The following LINGO2 variants were observed in gnomAD, a reference collection of about 807,000 sequenced individuals.
LINGO2 encodes leucine-rich repeat and immunoglobulin-like domain-containing nogo receptor-interacting protein 2.
In LINGO2, 14 loss-of-function variants were observed where a neutral mutation model predicts 30.6. That is an observed-to-expected ratio of 0.46 (90% CI 0.30 to 0.72). The LOEUF (loss-of-function observed/expected upper bound fraction) is 0.72, where lower values mean the gene tolerates loss of function less well. LINGO2 is among the 30% of genes least tolerant of loss of function. LINGO2 has a pLI of 0.07. For synonymous variants in LINGO2, 317 were observed against 288.5 expected (o/e 1.10, Z -1.00); for missense variants, 729 against 751.7 (o/e 0.97, Z 0.35).
chr9:28,030,261 G>C (rs2119442025), intron 4 of LINGO2, among the ~76,000 whole-genome samples: 1 of 152,234 alleles, frequency 6.6e-6, no homozygotes, highest in Middle Eastern at 3.4e-3. Flanking sequence ...TCTTAAGTGA[G>C]GCCATTTCTG....
At chr9:28,698,687 G>C in the LINGO2 span, among the ~76,000 whole-genome samples, 155 of 151,916 alleles carry the variant, frequency 1.0e-3, no homozygotes, top group African/African-American at 3.4e-3. Flanking sequence ...TGAATAGAAA[G>C]TACAGAGAGT....
the LINGO2 span, among the ~76,000 whole-genome samples, chr9:29,176,026 C>T: frequency 4.2e-3 from 633 of 149,862 alleles, 7 homozygotes; most frequent in African/African-American, 0.015. Flanking sequence ...AGGCTGGCAC[C>T]AAGTCCTCGA....
intron 1 of LINGO2, among the ~76,000 whole-genome samples, chr9:28,639,634 G>T (rs1003797534): frequency 2.2e-4 from 33 of 152,050 alleles, no homozygotes; most frequent in African/African-American, 7.0e-4. Context: ...CAGAGACTAG[G>T]ATTGCAACCC....
chr9:28,436,674 G>C (rs1028448434), intron 2 of LINGO2, among the ~76,000 whole-genome samples: 3 of 152,160 alleles, frequency 2.0e-5, no homozygotes, highest in South Asian at 2.1e-4. Context: ...AGCCAGGATG[G>C]TCTCGATCTC....
chr9:29,119,579 T>A, the LINGO2 span, among the ~76,000 whole-genome samples: 2 of 57,870 alleles, frequency 3.5e-5, no homozygotes, highest in Non-Finnish European at 3.7e-5. Flanking sequence ...GTTGTCATCT[T>A]TTTTTTTTTT....
At chr9:28,677,196 C>A in the LINGO2 span, among the ~76,000 whole-genome samples, 1 of 152,048 alleles carries the variant, frequency 6.6e-6, no homozygotes, top group African/African-American at 2.4e-5. Context: ...ACATTTAAAC[C>A]AAGGTGGTTT....
the LINGO2 span, among the ~76,000 whole-genome samples, chr9:28,721,298 C>A: frequency 6.6e-6 from 1 of 152,066 alleles, no homozygotes; most frequent in East Asian, 1.9e-4. Flanking sequence ...ACCCAGCAAT[C>A]CCATTACTGG....
intron 5 of LINGO2, among the ~76,000 whole-genome samples, chr9:27,958,656 A>G (rs1819693613): frequency 6.6e-6 from 1 of 152,144 alleles, no homozygotes; most frequent in Non-Finnish European, 1.5e-5. Flanking sequence ...TTTACAAATT[A>G]AACTTTATCA....
the LINGO2 span, among the ~76,000 whole-genome samples, chr9:28,819,815 G>A: frequency 6.6e-6 from 1 of 152,096 alleles, no homozygotes; most frequent in Admixed American, 6.5e-5. Flanking sequence ...AGTTTCCATA[G>A]CAGCTTCCTG....
At chr9:29,200,450 T>C in the LINGO2 span, among the ~76,000 whole-genome samples, 1 of 152,216 alleles carries the variant, frequency 6.6e-6, no homozygotes, top group East Asian at 1.9e-4. Flanking sequence ...GAAAATCGGA[T>C]ATGCATGTTT....
chr9:27,961,911 G>A (rs1382079211), intron 5 of LINGO2, among the ~76,000 whole-genome samples: 1 of 152,136 alleles, frequency 6.6e-6, no homozygotes, highest in Non-Finnish European at 1.5e-5. Flanking sequence ...TTTGACAACT[G>A]GGTGAGACCT....
intron 1 of LINGO2, among the ~76,000 whole-genome samples, chr9:28,493,803 T>C (rs547172304): frequency 4.9e-4 from 75 of 152,244 alleles, no homozygotes; most frequent in Middle Eastern, 6.8e-3. Flanking sequence ...ACGGTCAGAA[T>C]AAAAGCATGT....
chr9:28,086,195 ATTTTTAACT>A (rs1825909067), intron 4 of LINGO2, among the ~76,000 whole-genome samples: 3 of 152,032 alleles, frequency 2.0e-5, no homozygotes, highest in Non-Finnish European at 4.4e-5. Context: ...GAAAATCAAC[ATTTTTAACT>A]ATAAAAAAAT....
chr9:28,994,390 C>T, the LINGO2 span, among the ~76,000 whole-genome samples: 12 of 151,944 alleles, frequency 7.9e-5, no homozygotes, highest in Non-Finnish European at 1.3e-4. Flanking sequence ...AATGGAAGAA[C>T]ATTCCATGCT....
intron 3 of LINGO2, among the ~76,000 whole-genome samples, chr9:28,305,550 T>C (rs1215745144): frequency 3.3e-5 from 5 of 152,004 alleles, no homozygotes; most frequent in Admixed American, 1.3e-4. Context: ...CAAAAACCAA[T>C]TGTATTTTTA....
chr9:28,475,561 A>G (rs1210011013), intron 2 of LINGO2, among the ~76,000 whole-genome samples: 2 of 152,218 alleles, frequency 1.3e-5, no homozygotes, highest in Non-Finnish European at 2.9e-5. Flanking sequence ...AGTATTAAGT[A>G]TTAGTCTTAT....
chr9:28,155,591 A>G (rs963344505), intron 4 of LINGO2, among the ~76,000 whole-genome samples: 1 of 152,214 alleles, frequency 6.6e-6, no homozygotes, highest in Admixed American at 6.5e-5. Flanking sequence ...AACATGGCAG[A>G]ATAAACATTA....
the LINGO2 span, among the ~76,000 whole-genome samples, chr9:29,133,162 A>C: frequency 6.6e-6 from 1 of 152,178 alleles, no homozygotes; most frequent in Non-Finnish European, 1.5e-5. Context: ...GTACTCAATA[A>C]GCATCTTCTA....
the LINGO2 span, among the ~76,000 whole-genome samples, chr9:29,101,246 C>T: frequency 5.3e-5 from 8 of 152,122 alleles, no homozygotes; most frequent in African/African-American, 1.7e-4. Flanking sequence ...ATCAAAGGAA[C>T]TCCTAGGTCT....
Sources: allele counts gnomAD v4.1 joint callset (sites outside exome capture counted in the v4.1 genomes callset), GRCh38; gene constraint gnomAD v4.1.1; transcripts MANE v1.5; gene names NCBI Gene and HGNC (gene_info 2026-07-23, HGNC 2026-07-21).